PCLO: variants seen among roughly 807,000 people sequenced by gnomAD.
PCLO encodes the protein protein piccolo.
In PCLO, 82 loss-of-function variants were observed where a neutral mutation model predicts 427.5. The observed-to-expected ratio is 0.19, with a 90% CI of 0.16 to 0.23. The LOEUF (loss-of-function observed/expected upper bound fraction) is 0.23, where lower values mean the gene tolerates loss of function less well. PCLO is among the 10% of genes least tolerant of loss of function. The pLI is 1.00. For synonymous variants in PCLO, 2,357 were observed against 2,155.4 expected, an observed-to-expected ratio of 1.09 and a Z score of -2.59; for missense variants, 6,239 against 6,115.9, an observed-to-expected ratio of 1.02 and a Z score of -0.67.
intron 3 of PCLO, among the ~76,000 whole-genome samples, chr7:83,128,742 T>C (rs899664136): frequency 1.1e-4 from 17 of 152,244 alleles, no homozygotes; most frequent in African/African-American, 3.8e-4. Context: ...TTCTTGCAAC[T>C]GGAACAACTA....
chr7:83,025,087 G>A (rs1337814954), intron 3 of PCLO, among the ~76,000 whole-genome samples: 2 of 152,152 alleles, frequency 1.3e-5, no homozygotes, highest in Non-Finnish European at 2.9e-5. Flanking sequence ...ACCAGCAACG[G>A]AACAAAGCTG....
chr7:83,060,465 T>C (rs1421568333), intron 3 of PCLO, among the ~76,000 whole-genome samples: 2 of 152,204 alleles, frequency 1.3e-5, no homozygotes, highest in Admixed American at 1.3e-4. Context: ...CTGCTGCTCA[T>C]AGGGCTGTCC....
At chr7:83,006,203 C>T (rs922624609) in intron 3 of PCLO, among the ~76,000 whole-genome samples, 1 of 151,618 alleles carries the variant, frequency 6.6e-6, no homozygotes, top group Non-Finnish European at 1.5e-5. Flanking sequence ...TAAATGAGAT[C>T]AACTTTAGAT....
chr7:82,869,501 T>G lies in PCLO; in HGVS notation c.13654+9836A>C, dbSNP rs114408429. ...TGAAAAACAGATTCCAGAATTTATA[T>G]GCAAAACCAAAGGGTCAAGAATTGT... On this transcript the variant is annotated intron_variant, in intron 10 of 24. Coordinates refer to ENST00000333891, the MANE Select transcript of PCLO (RefSeq NM_033026.6). 4.6e-3 allele frequency among the ~76,000 whole-genome samples: 702 copies of G among 152,178 alleles called. 4 individuals are homozygous for G. Among genetic ancestry groups the G allele is most frequent in the African/African-American group, 0.016 (671 of 41,560 alleles).
rs1562909692 is a variant in PCLO, at chr7:82,999,808, TATATAAAATATAATATATAATATTAA to T, written c.3301-33347_3301-33322del. 1.9e-4 allele frequency among the ~76,000 whole-genome samples: 19 copies of T among 98,542 alleles called. 4 individuals carry two copies. Among genetic ancestry groups the T allele is most frequent in the South Asian group, 5.6e-4 (2 of 3,584 alleles). The allele number at this position is 98,542 out of a possible 152,430, so 64.6% of individuals were successfully genotyped here. On this transcript the variant is annotated intron_variant, in intron 3 of 24. Coordinates refer to ENST00000333891, the MANE Select transcript of PCLO (RefSeq NM_033026.6). The stretch of plus-strand genomic sequence containing the variant: ...ATATAAAATATAATATATAATATTA[TATATAAAATATAATATATAATATTAA>T]ATATAAAATATAATATATAATATTA...
chr7:83,001,641 G>T (rs1339113529), intron 3 of PCLO, among the ~76,000 whole-genome samples: 1 of 151,998 alleles, frequency 6.6e-6, no homozygotes, highest in Non-Finnish European at 1.5e-5. Flanking sequence ...CTGTAGGTTA[G>T]CTGGGGTTTC....
At chr7:83,108,424 CAAGAA>C (rs1167006202) in intron 3 of PCLO, among the ~76,000 whole-genome samples, 1 of 152,124 alleles carries the variant, frequency 6.6e-6, no homozygotes, top group African/African-American at 2.4e-5. Context: ...GATACCTTCA[CAAGAA>C]AAGTTTAACC....
intron 20 of PCLO, among the ~76,000 whole-genome samples, chr7:82,816,422 A>G (rs916675382): frequency 2.6e-5 from 4 of 151,840 alleles, no homozygotes; most frequent in Non-Finnish European, 5.9e-5. Context: ...CTGTGTCTCC[A>G]TTGGCATTCT....
chr7:82,870,414 T>A (rs1793205045), intron 10 of PCLO, among the ~76,000 whole-genome samples: 1 of 152,002 alleles, frequency 6.6e-6, no homozygotes, highest in Non-Finnish European at 1.5e-5. Flanking sequence ...TAGAGCATTA[T>A]CTCTTACATA....
chr7:82,772,478 AT>A lies in PCLO; in HGVS notation c.15008-10986del, dbSNP rs1007650084. ...GAGGCATTTTTAAGTGTTTTCATTA[AT>A]TTTTTTTCCCCAAGGAAGAATAATT... is the stretch of plus-strand genomic sequence containing the variant. On this transcript the variant is annotated intron_variant, in intron 22 of 24. Coordinates refer to ENST00000333891, the MANE Select transcript of PCLO (RefSeq NM_033026.6). 3.7e-4 allele frequency among the ~76,000 whole-genome samples: 56 copies of A among 152,028 alleles called. 1 individual carries two copies. The highest frequency in any genetic ancestry group is 1.9e-3 in the Admixed American group (29 of 15,248).
intron 9 of PCLO, among the ~76,000 whole-genome samples, chr7:82,887,471 G>A (rs528454812): frequency 6.6e-6 from 1 of 152,120 alleles, no homozygotes; most frequent in South Asian, 2.1e-4. Context: ...TGAATATTGT[G>A]AATGTCTTCA....
At chr7:82,767,986 G>A (rs2371213) in intron 22 of PCLO, among the ~76,000 whole-genome samples, 50,304 of 150,600 alleles carry the variant, frequency 0.33, 10,305 homozygotes, top group East Asian at 0.59. Flanking sequence ...CAAAAAGGAG[G>A]GAGGGAGGGA....
intron 10 of PCLO, among the ~76,000 whole-genome samples, chr7:82,860,605 T>TAAA (rs1792928137): frequency 6.6e-6 from 1 of 151,950 alleles, no homozygotes; most frequent in Non-Finnish European, 1.5e-5. Context: ...GAGCAATAAA[T>TAAA]AATCACCTGA....
At chr7:82,988,850 T>C (rs1220110855) in intron 3 of PCLO, among the ~76,000 whole-genome samples, 4 of 152,014 alleles carry the variant, frequency 2.6e-5, no homozygotes, top group Admixed American at 1.3e-4. Flanking sequence ...TTTTTTTTCT[T>C]TGAGACGGAG....
chr7:82,857,015 A>G (rs1466938965), intron 10 of PCLO, among the ~76,000 whole-genome samples: 2 of 152,136 alleles, frequency 1.3e-5, no homozygotes, highest in East Asian at 1.9e-4. Context: ...TTGAAAGAGC[A>G]TGCCTCTTCA....
chr7:82,940,755 C>CTTTTTTTT (rs71531190), intron 6 of PCLO, among the ~76,000 whole-genome samples: 6 of 109,138 alleles, frequency 5.5e-5, no homozygotes, highest in Non-Finnish European at 7.2e-5. Context: ...TTTTTTCTTT[C>CTTTTTTTT]TTTTTTTTTT....
intron 20 of PCLO, among the ~76,000 whole-genome samples, chr7:82,815,811 A>G (rs921090402): frequency 2.0e-5 from 3 of 152,020 alleles, no homozygotes; most frequent in East Asian, 1.9e-4. Context: ...TACTTTTTGC[A>G]CCAACCTAAT....
chr7:82,810,293 C>A (rs1388541682), intron 20 of PCLO, among the ~76,000 whole-genome samples: 1 of 151,542 alleles, frequency 6.6e-6, no homozygotes, highest in Non-Finnish European at 1.5e-5. Context: ...AAACCAAGGA[C>A]CTACTATGTG....
chr7:82,956,438 A>C lies in PCLO; in HGVS notation c.4515T>G (p.Thr1505=), dbSNP rs761233828. Residue 1505 remains threonine (T), a synonymous_variant, in exon 5 of 25, where the codon ACT becomes ACG. Coordinates refer to ENST00000333891, the MANE Select transcript of PCLO (RefSeq NM_033026.6). The part of the protein sequence containing the change: ...EKSEFVDDIT[T]RREPYDSVEE... ...CAACTGAATCATAAGGCTCTCTTCTAGTAGTTATGTCATCAACAAACTCAG... is the reference window on the plus strand; with the variant it reads ...CAACTGAATCATAAGGCTCTCTTCTCGTAGTTATGTCATCAACAAACTCAG... 1 of 1,613,808 alleles carries C rather than the reference A, an allele frequency of 6.2e-7. No homozygotes were observed. The highest frequency in any genetic ancestry group is 8.5e-7 in the Non-Finnish European group (1 of 1,179,802).
Sources: gnomAD v4.1 joint callset for allele counts (sites outside exome capture counted in the v4.1 genomes callset) on GRCh38, gnomAD v4.1.1 for gene constraint, MANE v1.5 for transcripts, NCBI Gene and HGNC (gene_info 2026-07-23, HGNC 2026-07-21) for gene names.